The following CCBE1 variants were observed in gnomAD, a reference collection of about 807,000 sequenced individuals.
The protein encoded by CCBE1 is collagen and calcium-binding EGF domain-containing protein 1.
CCBE1 carries 37 observed loss-of-function variants against 50.0 expected under a neutral mutation model. The ratio of observed to expected loss-of-function variants is 0.74; its 90% confidence interval spans 0.57 to 0.97. The LOEUF is 0.97. Ranked by LOEUF, CCBE1 falls within the 50% of genes least tolerant of loss-of-function variation. CCBE1 has a pLI of 0.00. For missense variants in CCBE1, 538 were observed against 523.8 expected, an observed-to-expected ratio of 1.03 and a Z score of -0.26; for synonymous variants, 234 against 203.7, an observed-to-expected ratio of 1.15 and a Z score of -1.27.
At chr18:59,527,730 C>T (rs989415804) in intron 2 of CCBE1, among the ~76,000 whole-genome samples, 1 of 152,138 alleles carries the variant, frequency 6.6e-6, no homozygotes, top group Non-Finnish European at 1.5e-5. Context: ...TTTATTTCTC[C>T]TTCCAGTATG....
chr18:59,652,930 C>T lies in CCBE1; in HGVS notation c.212+43699G>A, dbSNP rs545884069. Among the ~76,000 whole-genome samples, 4 of 151,140 alleles carry T rather than the reference C, an allele frequency of 2.6e-5. No homozygotes were observed. The South Asian group carries it at 8.5e-4, about 32-fold the overall frequency. ...AGTGAACCGAGAACGCACCACTGCA[C>T]TCCAGCCTGGGAAACAAAGTGAGAC... On this transcript the variant is annotated intron_variant, in intron 2 of 10. Transcript: ENST00000439986.
intron 2 of CCBE1, among the ~76,000 whole-genome samples, chr18:59,538,219 C>T (rs924416772): frequency 1.3e-5 from 2 of 152,138 alleles, no homozygotes; most frequent in African/African-American, 4.8e-5. Context: ...CTCAAAAACT[C>T]CATAGTAAAT....
At chr18:59,523,678 A>C (rs569513961) in intron 2 of CCBE1, among the ~76,000 whole-genome samples, 2 of 152,300 alleles carry the variant, frequency 1.3e-5, no homozygotes, top group Admixed American at 1.3e-4. Context: ...TTTTGAAGAC[A>C]ATCATGAGTA....
intron 2 of CCBE1, among the ~76,000 whole-genome samples, chr18:59,561,958 G>T (rs900220641): frequency 1.3e-5 from 2 of 152,124 alleles, no homozygotes; most frequent in African/African-American, 4.8e-5. Context: ...GCCCCCTGAG[G>T]TGTTCTTTCT....
intron 2 of CCBE1, among the ~76,000 whole-genome samples, chr18:59,537,879 G>A (rs1308473374): frequency 1.3e-5 from 2 of 152,154 alleles, no homozygotes; most frequent in African/African-American, 4.8e-5. Context: ...CCTCTTGCAT[G>A]TCACTTTCCT....
intron 2 of CCBE1, among the ~76,000 whole-genome samples, chr18:59,490,382 T>C (rs1913039711): frequency 8.1e-6 from 1 of 122,952 alleles, no homozygotes. Flanking sequence ...GACAGGATAT[T>C]CCCCCTTTTT....
chr18:59,678,733 A>G (rs2054544144), intron 2 of CCBE1, among the ~76,000 whole-genome samples: 1 of 152,124 alleles, frequency 6.6e-6, no homozygotes, highest in Admixed American at 6.5e-5. Context: ...GGGTTTCGCC[A>G]TGTTGGCCAG....
At chr18:59,660,513 G>A (rs1238858474) in intron 2 of CCBE1, among the ~76,000 whole-genome samples, 1 of 152,076 alleles carries the variant, frequency 6.6e-6, no homozygotes, top group Non-Finnish European at 1.5e-5. Context: ...GGGTATGTTT[G>A]CATAGAGAGC....
intron 2 of CCBE1, among the ~76,000 whole-genome samples, chr18:59,543,691 C>T (rs9957244): frequency 4.0e-5 from 6 of 151,824 alleles, no homozygotes; most frequent in East Asian, 3.9e-4. Context: ...GAAAATTAGC[C>T]GGGTGTGGTG....
chr18:59,535,935 G>A (rs781316899), intron 2 of CCBE1, among the ~76,000 whole-genome samples: 4 of 152,278 alleles, frequency 2.6e-5, no homozygotes, highest in Non-Finnish European at 4.4e-5. Context: ...CAATCCTCCC[G>A]CCTTGGCTTC....
At chr18:59,547,697 C>G (rs185010631) in intron 2 of CCBE1, among the ~76,000 whole-genome samples, 7 of 152,284 alleles carry the variant, frequency 4.6e-5, no homozygotes, top group Non-Finnish European at 8.8e-5. Context: ...GACAGTACTT[C>G]TGGCTACACT....
chr18:59,650,909 C>T (rs1320740481), intron 2 of CCBE1, among the ~76,000 whole-genome samples: 2 of 151,732 alleles, frequency 1.3e-5, no homozygotes, highest in Admixed American at 1.3e-4. Context: ...GGCCTGTATG[C>T]CAGGGAAAAT....
chr18:59,473,914 G>T (rs915963289), intron 3 of CCBE1, among the ~76,000 whole-genome samples: 3 of 94,904 alleles, frequency 3.2e-5, no homozygotes, highest in African/African-American at 1.2e-4. Flanking sequence ...CTAGTCTGCA[G>T]TGTCTTGTTC....
chr18:59,543,787 A>G (rs926744537), intron 2 of CCBE1, among the ~76,000 whole-genome samples: 4 of 140,524 alleles, frequency 2.8e-5, no homozygotes, highest in Admixed American at 7.7e-5. Flanking sequence ...GTGAGCCAAG[A>G]TCGCGCCACT....
intron 2 of CCBE1, among the ~76,000 whole-genome samples, chr18:59,601,539 CA>C: frequency 6.6e-6 from 1 of 152,100 alleles, no homozygotes; most frequent in African/African-American, 2.4e-5. Flanking sequence ...ATAAATTACC[CA>C]CTCTCATGTA....
chr18:59,553,818 C>T (rs982655140), intron 2 of CCBE1, among the ~76,000 whole-genome samples: 6 of 152,158 alleles, frequency 3.9e-5, no homozygotes, highest in African/African-American at 9.7e-5. Context: ...TATGGCGACC[C>T]GGAGGCCAGA....
chr18:59,556,429 CT>C, intron 2 of CCBE1, among the ~76,000 whole-genome samples: 1 of 152,290 alleles, frequency 6.6e-6, no homozygotes, highest in African/African-American at 2.4e-5. Flanking sequence ...CCTCAGCATT[CT>C]TTCCTGCAGA....
chr18:59,627,907 A>T (rs1304442995), intron 2 of CCBE1, among the ~76,000 whole-genome samples: 1 of 152,234 alleles, frequency 6.6e-6, no homozygotes, highest in East Asian at 1.9e-4. Context: ...CCATACTCAA[A>T]GTGGATTTTT....
chr18:59,633,047 G>T (rs1422004181), intron 2 of CCBE1, among the ~76,000 whole-genome samples: 1 of 152,172 alleles, frequency 6.6e-6, no homozygotes, highest in African/African-American at 2.4e-5. Flanking sequence ...GATTTAATTA[G>T]TAAGAGGGGA....
Sources: gnomAD v4.1 joint callset for allele counts (sites outside exome capture counted in the v4.1 genomes callset) on GRCh38, gnomAD v4.1.1 for gene constraint, MANE v1.5 for transcripts, NCBI Gene and HGNC (gene_info 2026-07-23, HGNC 2026-07-21) for gene names.